KCNJ6: variants seen among roughly 807,000 people sequenced by gnomAD.
The protein encoded by KCNJ6 is potassium inwardly rectifying channel subfamily J member 6.
KCNJ6 carries 9 observed loss-of-function variants against 34.2 expected under a neutral mutation model. The ratio of observed to expected loss-of-function variants is 0.26; its 90% CI spans 0.16 to 0.46. KCNJ6 has a LOEUF of 0.46. Ranked by LOEUF, KCNJ6 falls within the 20% of genes least tolerant of loss-of-function variation. The probability of loss-of-function intolerance (pLI) is 1.00; values close to 1 mark genes in which losing one functional copy is unlikely to be tolerated. For missense variants in KCNJ6, 236 were observed against 531.3 expected (o/e 0.44, Z 5.46); for synonymous variants, 196 against 207.1 (o/e 0.95, Z 0.46).
chr21:37,760,306 T>C (rs2055054329), intron 2 of KCNJ6, among the ~76,000 whole-genome samples: 1 of 152,220 alleles, frequency 6.6e-6, no homozygotes, highest in Admixed American at 6.5e-5. Flanking sequence ...CCTCATTTCA[T>C]GGACAAGGAA....
In KCNJ6 at chr21:37,716,852, A is replaced by C. The variant is rs373816599; in HGVS notation, c.26-1721T>G. On this transcript the variant is annotated intron_variant, in intron 2 of 3. Coordinates refer to ENST00000609713, the MANE Select transcript of KCNJ6 (RefSeq NM_002240.5). ...ATTATTTATTTGGCCAATAATACTAAAGTCTTCTACAAGTTTGGTAAGAAA... is the reference window on the plus strand; with the variant it reads ...ATTATTTATTTGGCCAATAATACTACAGTCTTCTACAAGTTTGGTAAGAAA... 3.3e-5 allele frequency among the ~76,000 whole-genome samples: 5 copies of C among 152,204 alleles called. No individual in the cohort carries two copies. The East Asian group carries it at 9.6e-4, about 29-fold the overall frequency.
At chr21:37,669,864 T>C (rs866495107) in intron 3 of KCNJ6, among the ~76,000 whole-genome samples, 8 of 152,246 alleles carry the variant, frequency 5.3e-5, no homozygotes, top group Admixed American at 2.6e-4. Flanking sequence ...TACAAGTTTT[T>C]TATTTTGATG....
At chr21:37,647,779 G>T (rs1161667595) in intron 3 of KCNJ6, among the ~76,000 whole-genome samples, 1 of 152,124 alleles carries the variant, frequency 6.6e-6, no homozygotes, top group Non-Finnish European at 1.5e-5. Flanking sequence ...GGCTGACAGG[G>T]TGCTTCCTCA....
chr21:37,679,897 G>A (rs1169981260), intron 3 of KCNJ6, among the ~76,000 whole-genome samples: 6 of 152,196 alleles, frequency 3.9e-5, no homozygotes, highest in African/African-American at 9.6e-5. Flanking sequence ...AAACATCTTC[G>A]TTATTCATTT....
intron 1 of KCNJ6, among the ~76,000 whole-genome samples, chr21:37,906,724 G>T (rs1408728321): frequency 6.6e-6 from 1 of 152,096 alleles, no homozygotes; most frequent in Non-Finnish European, 1.5e-5. Context: ...GTGGGCTTGG[G>T]CCCAACACTC....
At chr21:37,847,181 T>C (rs1184112549) in intron 1 of KCNJ6, among the ~76,000 whole-genome samples, 1 of 152,132 alleles carries the variant, frequency 6.6e-6, no homozygotes, top group Non-Finnish European at 1.5e-5. Context: ...AAATAGTAAC[T>C]CCTAATGTTT....
intron 3 of KCNJ6, among the ~76,000 whole-genome samples, chr21:37,636,550 G>A (rs551809431): frequency 2.6e-5 from 4 of 152,302 alleles, no homozygotes; most frequent in Admixed American, 6.5e-5. Flanking sequence ...TTGGGTGGCC[G>A]TTTCATTCCC....
chr21:37,628,367 C>T (rs534891955), intron 3 of KCNJ6, among the ~76,000 whole-genome samples: 52 of 152,174 alleles, frequency 3.4e-4, no homozygotes, highest in Non-Finnish European at 3.1e-4. Flanking sequence ...AAAATCCCAA[C>T]ATAAATTCTG....
chr21:37,878,808 T>C (rs2055692097), intron 1 of KCNJ6, among the ~76,000 whole-genome samples: 1 of 152,118 alleles, frequency 6.6e-6, no homozygotes, highest in African/African-American at 2.4e-5. Flanking sequence ...GACAGGGGCA[T>C]GTGACGACCA....
At chr21:37,674,503 C>T (rs2054555730) in intron 3 of KCNJ6, among the ~76,000 whole-genome samples, 1 of 25,864 alleles carries the variant, frequency 3.9e-5, no homozygotes, top group South Asian at 2.4e-3. Flanking sequence ...TGCCCACTCC[C>T]CTCCTCACCC....
chr21:37,725,108 A>G (rs996156015), intron 2 of KCNJ6, among the ~76,000 whole-genome samples: 4 of 152,232 alleles, frequency 2.6e-5, no homozygotes, highest in Admixed American at 2.6e-4. Context: ...AAAGCAATAA[A>G]TACCCCAACA....
rs1315656454 is a variant in KCNJ6 at position 37,874,092 on chromosome 21, ATCAGGGGTTCACCC to A, written c.-27-33397_-27-33384del. ...CTCCATCTCTCTTAAACTCATCCTA[ATCAGGGGTTCACCC>A]TCTCCCTTCCCTGCTCCCTGGAAGC... On this transcript the variant is annotated intron_variant, in intron 1 of 3. Coordinates refer to ENST00000609713, the MANE Select transcript of KCNJ6 (RefSeq NM_002240.5). Among the ~76,000 whole-genome samples the A allele has an allele frequency of 2.0e-5, 3 of 152,000 alleles. No individual in the cohort carries two copies. The East Asian group carries it at 5.8e-4, about 29-fold the overall frequency.
intron 1 of KCNJ6, among the ~76,000 whole-genome samples, chr21:37,901,630 T>C (rs928982901): frequency 6.6e-6 from 1 of 152,222 alleles, no homozygotes; most frequent in Non-Finnish European, 1.5e-5. Context: ...ACGTTCAAGT[T>C]AGGATTTCAA....
intron 2 of KCNJ6, among the ~76,000 whole-genome samples, chr21:37,721,265 A>T (rs2054824718): frequency 6.6e-6 from 1 of 152,250 alleles, no homozygotes; most frequent in South Asian, 2.1e-4. Flanking sequence ...TATTTTAAAA[A>T]AAGAAAATAG....
intron 1 of KCNJ6, among the ~76,000 whole-genome samples, chr21:37,888,541 CA>C (rs1210003602): frequency 3.3e-5 from 5 of 152,182 alleles, no homozygotes; most frequent in African/African-American, 1.2e-4. Context: ...GATGTTGTAA[CA>C]GCAGTTTTCT....
chr21:37,793,397 G>A (rs1568850548), intron 2 of KCNJ6, among the ~76,000 whole-genome samples: 1 of 152,160 alleles, frequency 6.6e-6, no homozygotes, highest in Non-Finnish European at 1.5e-5. Flanking sequence ...TGCCTTTGGT[G>A]GCACAGGCAG....
intron 2 of KCNJ6, among the ~76,000 whole-genome samples, chr21:37,791,098 C>T (rs908495264): frequency 6.6e-6 from 1 of 152,224 alleles, no homozygotes; most frequent in Non-Finnish European, 1.5e-5. Flanking sequence ...AACATTGGCC[C>T]TGGGAGGGAC....
chr21:37,906,770 C>T (rs1003316573), intron 1 of KCNJ6, among the ~76,000 whole-genome samples: 6 of 152,186 alleles, frequency 3.9e-5, no homozygotes, highest in South Asian at 2.1e-4. Context: ...CCACCTAATG[C>T]GGCCTCTCTT....
intron 1 of KCNJ6, among the ~76,000 whole-genome samples, chr21:37,859,720 C>T (rs1425671701): frequency 6.6e-6 from 1 of 150,676 alleles, no homozygotes; most frequent in African/African-American, 2.5e-5. Flanking sequence ...CATTGATTTA[C>T]TTGTGTCTGA....
Sources: gnomAD v4.1 joint callset for allele counts (sites outside exome capture counted in the v4.1 genomes callset) on GRCh38, gnomAD v4.1.1 for gene constraint, MANE v1.5 for transcripts, NCBI Gene and HGNC (gene_info 2026-07-23, HGNC 2026-07-21) for gene names.